MTCL3: variants seen among roughly 807,000 people sequenced by gnomAD.
MTCL3 encodes the protein microtubule cross-linking factor 3.
At chr6:127,494,313 T>C in the MTCL3 span, among the ~76,000 whole-genome samples, 1 of 152,174 alleles carries the variant, frequency 6.6e-6, no homozygotes, top group Non-Finnish European at 1.5e-5. Flanking sequence ...GAAAGTAAGA[T>C]GCTGAACTTA....
the MTCL3 span, chr6:127,473,427 A>C: frequency 7.1e-7 from 1 of 1,413,518 alleles, no homozygotes; most frequent in Non-Finnish European, 9.5e-7. Context: ...GAGAAGAGTT[A>C]ATTAATAATA....
the MTCL3 span, chr6:127,514,692 T>G: frequency 1.4e-6 from 1 of 694,868 alleles, no homozygotes; most frequent in Non-Finnish European, 2.4e-6. Context: ...ATTTTGTGGT[T>G]AGCGCTACGA....
chr6:127,499,246 G>A, the MTCL3 span, among the ~76,000 whole-genome samples: 1 of 152,090 alleles, frequency 6.6e-6, no homozygotes, highest in Non-Finnish European at 1.5e-5. Flanking sequence ...CTAACAAGAA[G>A]GTCATAACGG....
the MTCL3 span, among the ~76,000 whole-genome samples, chr6:127,496,761 A>C: frequency 6.6e-6 from 1 of 152,246 alleles, no homozygotes; most frequent in Non-Finnish European, 1.5e-5. Flanking sequence ...TGAACTATGG[A>C]TACATGATAT....
At chr6:127,491,009 G>A in the MTCL3 span, among the ~76,000 whole-genome samples, 8 of 152,332 alleles carry the variant, frequency 5.3e-5, no homozygotes, top group South Asian at 1.0e-3. Flanking sequence ...TAGCCTGATT[G>A]TGATTGACTT....
the MTCL3 span, chr6:127,475,609 G>C: frequency 6.2e-7 from 1 of 1,601,594 alleles, no homozygotes; most frequent in East Asian, 2.2e-5. The surrounding 1 kb of genome is among the most constrained non-coding windows in gnomAD (Gnocchi z 7.3). Flanking sequence ...GAAGCTCTTG[G>C]GCCAGGGCCC....
At chr6:127,504,206 G>A in the MTCL3 span, among the ~76,000 whole-genome samples, 4 of 152,130 alleles carry the variant, frequency 2.6e-5, no homozygotes, top group African/African-American at 9.7e-5. Flanking sequence ...ACACAGGAGC[G>A]GCTCTTGTCC....
At chr6:127,484,648 T>C in the MTCL3 span, among the ~76,000 whole-genome samples, 1 of 152,162 alleles carries the variant, frequency 6.6e-6, no homozygotes. Context: ...TGTGACACAA[T>C]AATAATGAAA....
chr6:127,500,590 A>G, the MTCL3 span, among the ~76,000 whole-genome samples: 1 of 152,134 alleles, frequency 6.6e-6, no homozygotes, highest in Non-Finnish European at 1.5e-5. Flanking sequence ...AACTTGTGTC[A>G]TGGCAGTTTG....
chr6:127,473,296 C>T, the MTCL3 span: 2 of 1,533,610 alleles, frequency 1.3e-6, no homozygotes, highest in East Asian at 5.1e-5. Context: ...GTACAAAAAA[C>T]AGTGTAAAAA....
chr6:127,511,130 T>G, the MTCL3 span, among the ~76,000 whole-genome samples: 2 of 152,196 alleles, frequency 1.3e-5, no homozygotes, highest in African/African-American at 4.8e-5. Context: ...ACCATGAAGA[T>G]GGCCATCTAC....
the MTCL3 span, among the ~76,000 whole-genome samples, chr6:127,505,971 A>G: frequency 6.6e-6 from 1 of 152,188 alleles, no homozygotes; most frequent in East Asian, 1.9e-4. Flanking sequence ...TGGATAACTG[A>G]CAAAGTAGAA....
chr6:127,504,619 A>G, the MTCL3 span, among the ~76,000 whole-genome samples: 1 of 152,144 alleles, frequency 6.6e-6, no homozygotes, highest in Non-Finnish European at 1.5e-5. Flanking sequence ...CACATGGACT[A>G]TTTAAGTTAC....
chr6:127,505,899 T>C, the MTCL3 span, among the ~76,000 whole-genome samples: 1 of 152,170 alleles, frequency 6.6e-6, no homozygotes, highest in African/African-American at 2.4e-5. Context: ...ATAATTATAG[T>C]ATTTAAATAA....
chr6:127,483,020 C>A, the MTCL3 span: 1 of 1,489,138 alleles, frequency 6.7e-7, no homozygotes. Flanking sequence ...GTTGGATAAA[C>A]TATAATTTTA....
chr6:127,500,875 G>A, the MTCL3 span, among the ~76,000 whole-genome samples: 10 of 152,000 alleles, frequency 6.6e-5, no homozygotes, highest in South Asian at 2.1e-4. Flanking sequence ...GCAGTGGTGC[G>A]ATCTCAGCTC....
the MTCL3 span, chr6:127,517,567 G>A: frequency 2.0e-5 from 3 of 152,194 alleles, no homozygotes; most frequent in Non-Finnish European, 2.9e-5. Flanking sequence ...GTAATTGCTA[G>A]ATAGAAAATA....
At chr6:127,491,305 G>A in the MTCL3 span, among the ~76,000 whole-genome samples, 4 of 152,264 alleles carry the variant, frequency 2.6e-5, no homozygotes, top group Middle Eastern at 3.4e-3. Context: ...GCCAACTGAC[G>A]TGGCAAATCA....
the MTCL3 span, among the ~76,000 whole-genome samples, chr6:127,483,637 C>A: frequency 1.1e-4 from 17 of 152,260 alleles, no homozygotes; most frequent in African/African-American, 3.8e-4. Context: ...TGTAAAATCT[C>A]CCACATTTTA....
Sources: gnomAD v4.1 joint callset for allele counts (sites outside exome capture counted in the v4.1 genomes callset) on GRCh38, gnomAD v4.1.1 for gene constraint, Gnocchi (gnomAD v3.1) non-coding constraint, MANE v1.5 for transcripts, NCBI Gene and HGNC (gene_info 2026-07-23, HGNC 2026-07-21) for gene names.